ATOSB: variants seen among roughly 807,000 people sequenced by gnomAD.
The protein encoded by ATOSB is atos homolog protein B.
chr9:35,107,755 A>G, the ATOSB span: 2 of 1,568,372 alleles, frequency 1.3e-6, no homozygotes, highest in Non-Finnish European at 1.7e-6. Flanking sequence ...GGCCCTGGGG[A>G]CTCCCCCAGG....
chr9:35,108,297 G>T, the ATOSB span: 1 of 1,523,080 alleles, frequency 6.6e-7, no homozygotes, highest in African/African-American at 1.4e-5. Flanking sequence ...GGGTCAGGGG[G>T]GCCCCCCAAC....
the ATOSB span, chr9:35,108,968 G>A: frequency 1.3e-5 from 2 of 152,156 alleles, no homozygotes; most frequent in African/African-American, 4.8e-5. Context: ...CAAGTGAGTT[G>A]AGGTAGAATA....
At chr9:35,110,913 G>C in the ATOSB span, 1 of 152,182 alleles carries the variant, frequency 6.6e-6, no homozygotes, top group East Asian at 1.9e-4. Context: ...CCTATGCAAA[G>C]AGAACTGCTG....
At chr9:35,108,277 A>T in the ATOSB span, 1 of 1,540,810 alleles carries the variant, frequency 6.5e-7, no homozygotes, top group Non-Finnish European at 8.7e-7. Context: ...TGGCGCATGA[A>T]GCCCCCCTTG....
chr9:35,106,826 C>T, the ATOSB span: 2 of 1,566,266 alleles, frequency 1.3e-6, no homozygotes, highest in South Asian at 2.4e-5. The surrounding 1 kb of genome is among the most constrained non-coding windows in gnomAD (Gnocchi z 4.6). Context: ...AAAAGCTGGT[C>T]ACTTACAGCT....
chr9:35,105,074 A>G, the ATOSB span: 1 of 865,712 alleles, frequency 1.2e-6, no homozygotes, highest in Non-Finnish European at 1.7e-6. The surrounding 1 kb of genome is among the most constrained non-coding windows in gnomAD (Gnocchi z 5.5). Context: ...CAGAAGCTTT[A>G]AACACCCAAA....
At chr9:35,107,435 G>A in the ATOSB span, 1 of 1,613,932 alleles carries the variant, frequency 6.2e-7, no homozygotes, top group African/African-American at 1.3e-5. Context: ...GTGTGGCTTT[G>A]GCATCAGAAC....
the ATOSB span, chr9:35,112,243 T>A: frequency 6.6e-6 from 1 of 152,204 alleles, no homozygotes; most frequent in Non-Finnish European, 1.5e-5. Flanking sequence ...AAGATAGGGA[T>A]ACATTTTAAT....
At chr9:35,106,987 C>T in the ATOSB span, 1 of 1,085,412 alleles carries the variant, frequency 9.2e-7, no homozygotes, top group African/African-American at 1.6e-5. The surrounding 1 kb of genome is among the most constrained non-coding windows in gnomAD (Gnocchi z 4.6). Context: ...ACACCCTGCC[C>T]CCCAGGCCTC....
the ATOSB span, chr9:35,105,093 T>A: frequency 4.9e-6 from 5 of 1,023,992 alleles, no homozygotes; most frequent in Admixed American, 1.3e-4. The surrounding 1 kb of genome is among the most constrained non-coding windows in gnomAD (Gnocchi z 5.5). Context: ...AATAATCCAT[T>A]TGGGCGTGAG....
the ATOSB span, chr9:35,104,550 TCA>T: frequency 2.6e-5 from 8 of 309,586 alleles, no homozygotes; most frequent in Admixed American, 8.6e-5. Context: ...ACATGCACAC[TCA>T]CACACACATA....
At chr9:35,106,396 T>C in the ATOSB span, 36 of 1,614,168 alleles carry the variant, frequency 2.2e-5, no homozygotes, top group East Asian at 8.0e-4. The surrounding 1 kb of genome is among the most constrained non-coding windows in gnomAD (Gnocchi z 4.6). Context: ...CAAAACGTCC[T>C]CGCAGCAATG....
the ATOSB span, chr9:35,107,677 T>C: frequency 6.2e-7 from 1 of 1,609,148 alleles, no homozygotes; most frequent in East Asian, 2.2e-5. Context: ...GCCACTGGGC[T>C]CTTACCCCCT....
chr9:35,106,529 G>T, the ATOSB span: 1 of 1,583,510 alleles, frequency 6.3e-7, no homozygotes, highest in Non-Finnish European at 8.6e-7. This position sits in a 1 kb window ranked among gnomAD's most constrained non-coding sequence, Gnocchi z 4.6. Flanking sequence ...AAACCCCAAC[G>T]GGAGCTACCT....
chr9:35,112,755 A>C, the ATOSB span, among the ~76,000 whole-genome samples: 3 of 152,160 alleles, frequency 2.0e-5, no homozygotes, highest in Admixed American at 6.5e-5. Flanking sequence ...CACCAGAGCC[A>C]AAGAGGGAAA....
At chr9:35,105,636 A>G in the ATOSB span, 2 of 1,582,166 alleles carry the variant, frequency 1.3e-6, no homozygotes, top group Non-Finnish European at 8.7e-7. The surrounding 1 kb of genome is among the most constrained non-coding windows in gnomAD (Gnocchi z 5.5). Context: ...CTCTTCAGGG[A>G]GGGGATACCT....
chr9:35,112,982 C>CGG, the ATOSB span, among the ~76,000 whole-genome samples: 1 of 152,174 alleles, frequency 6.6e-6, no homozygotes, highest in Non-Finnish European at 1.5e-5. Context: ...CTAGACCACC[C>CGG]TTTTCAAGAG....
At chr9:35,112,336 A>G in the ATOSB span, 2 of 140,696 alleles carry the variant, frequency 1.4e-5, no homozygotes, top group Non-Finnish European at 3.1e-5. Context: ...TCACAGGCCC[A>G]TGTTCAAGGA....
At chr9:35,105,280 A>G in the ATOSB span, 1 of 1,614,168 alleles carries the variant, frequency 6.2e-7, no homozygotes, top group South Asian at 1.1e-5. The surrounding 1 kb of genome is among the most constrained non-coding windows in gnomAD (Gnocchi z 5.5). Flanking sequence ...TGCAGTTCGT[A>G]GGGGAGCCCT....
Sources: allele counts gnomAD v4.1 joint callset (sites outside exome capture counted in the v4.1 genomes callset), GRCh38; gene constraint gnomAD v4.1.1; non-coding constraint Gnocchi (gnomAD v3.1); transcripts MANE v1.5; gene names NCBI Gene and HGNC (gene_info 2026-07-23, HGNC 2026-07-21).